ORC2: variants seen among roughly 807,000 people sequenced by gnomAD.
ORC2 encodes origin recognition complex subunit 2.
Under a neutral mutation model 77.7 loss-of-function variants are expected in ORC2, and 37 were observed. That is an observed-to-expected ratio of 0.48 (90% CI 0.37 to 0.63). The LOEUF is 0.63. Ranked by LOEUF, ORC2 falls within the 20% of genes least tolerant of loss-of-function variation. The probability of loss-of-function intolerance (pLI) is 0.00; values close to 1 mark genes in which losing one functional copy is unlikely to be tolerated. For missense variants in ORC2, 557 were observed against 661.9 expected, an observed-to-expected ratio of 0.84 and a Z score of 1.74; for synonymous variants, 201 against 229.5, an observed-to-expected ratio of 0.88 and a Z score of 1.12.
At chr2:200,914,114 C>T in intron 15 of ORC2, 122 bp from the exon 16 acceptor site, 1 of 614,390 alleles carries the variant, frequency 1.6e-6, no homozygotes. Context: ...TCTTCTGTTC[C>T]TCCAAGGAAT....
chr2:200,919,917 A>G (rs1168886233), intron 15 of ORC2, among the ~76,000 whole-genome samples: 1 of 152,232 alleles, frequency 6.6e-6, no homozygotes, highest in East Asian at 1.9e-4. Context: ...GTAATGAAAA[A>G]TAACCATAAA....
At chr2:200,912,241 T>A (rs762025854) in intron 17 of ORC2, among the ~76,000 whole-genome samples, 5 of 152,206 alleles carry the variant, frequency 3.3e-5, no homozygotes. Context: ...TATATAAGAA[T>A]CATAATCTTC....
chr2:200,914,205 G>A (rs570741517), intron 15 of ORC2, among the ~76,000 whole-genome samples: 162 of 124,006 alleles, frequency 1.3e-3, no homozygotes, highest in Admixed American at 3.2e-3. Flanking sequence ...TTGCTCTGTT[G>A]CCCAGGCTGG....
At chr2:200,946,470 TG>T (rs1390652627) in intron 5 of ORC2, among the ~76,000 whole-genome samples, 1 of 152,234 alleles carries the variant, frequency 6.6e-6, no homozygotes, top group Non-Finnish European at 1.5e-5. Context: ...ATAGAAAGTC[TG>T]ATCAGTCTGT....
chr2:200,931,470 GAA>G lies in ORC2; in HGVS notation c.808-24_808-23del, dbSNP rs763764215. The G allele has an allele frequency of 5.5e-5, 72 of 1,309,068 alleles. 1 individual carries two copies. Among genetic ancestry groups the G allele is most frequent in the Non-Finnish European group, 7.1e-5 (66 of 933,462 alleles). The allele number at this position is 1,309,068 out of a possible 1,614,324, so 81.1% of individuals were successfully genotyped here. A position where few individuals can be genotyped will look rare whatever the true frequency, so the allele number is the denominator to read the frequency against. ...TTTGCTTTAAAAAAAAGGAGGAGGGGAAAAAAGTCATTCTCAAAGCACAGACA... is the reference window on the plus strand; with the variant it reads ...TTTGCTTTAAAAAAAAGGAGGAGGGGAAAAGTCATTCTCAAAGCACAGACA... On this transcript the variant is annotated intron_variant, in intron 10 of 17. Transcript: ENST00000234296.
Position 200,935,863 on chromosome 2 carries a change from CG to C in ORC2, c.543del (p.Ser181ArgfsTer37). On this transcript the variant is annotated frameshift_variant, in exon 9 of 18. Coordinates refer to ENST00000234296, the MANE Select transcript of ORC2 (RefSeq NM_006190.5). LOFTEE classifies it high-confidence loss of function. ...IVPRSHSDSE[S>X]EYSASNSEDD... ...TCCTCTGAGTTGGAAGCAGAATATT[CG>C]CTTTCACTGTCAGAATGAGACCTTG... The C allele has an allele frequency of 6.2e-7, 1 of 1,613,600 alleles. No homozygotes were observed. Among genetic ancestry groups the C allele is most frequent in the Non-Finnish European group, 8.5e-7 (1 of 1,179,870 alleles).
Position 200,957,502 on chromosome 2 carries a change from G to A in ORC2, c.137C>T (p.Pro46Leu). ...TTCTGGCTTCTTTATTATTTTTTTG[G>A]GGTTGACCAAAAGCTGCGCTCGCTC... Reference protein sequence around the residue: ...KKERAQLLVNPKKIIKKPEYD... With the variant: ...KKERAQLLVNLKKIIKKPEYD... The change falls in exon 4 of 18, where the codon CCC (proline) becomes CTC (leucine). Residue 46 changes from proline to leucine, a missense_variant. Physicochemically the swap from Pro to Leu is moderately conservative, Grantham distance 98 (BLOSUM62 -3). Transcript: ENST00000234296. The A allele has an allele frequency of 6.2e-7, 1 of 1,608,848 alleles. No homozygotes were observed.
rs1435269493 is a variant in ORC2, at chr2:200,947,912, TTTC to T, written c.328+1639_328+1641del. Among the ~76,000 whole-genome samples, 4 of 151,420 alleles carry T rather than the reference TTTC, an allele frequency of 2.6e-5. No homozygotes were observed. The East Asian group carries it at 5.8e-4, about 22-fold the overall frequency. On this transcript the variant is annotated intron_variant, in intron 5 of 17. Coordinates refer to ENST00000234296, the MANE Select transcript of ORC2 (RefSeq NM_006190.5). ...CACCATGCCTGGCTAATTTTTTAATTTTCTTTTTTTTTTTGAGACTGAGTCTCG... is the reference window on the plus strand; with the variant it reads ...CACCATGCCTGGCTAATTTTTTAATTTTTTTTTTTTTGAGACTGAGTCTCG...
chr2:200,957,220 CTA>C (rs2041482907), intron 4 of ORC2, among the ~76,000 whole-genome samples, 179 bp downstream of exon 4: 1 of 152,114 alleles, frequency 6.6e-6, no homozygotes, highest in Non-Finnish European at 1.5e-5. Context: ...TTACTGAAAA[CTA>C]TGTGCAGGAC....
intron 5 of ORC2, among the ~76,000 whole-genome samples, chr2:200,945,613 T>C (rs1164802746): frequency 6.6e-6 from 1 of 152,150 alleles, no homozygotes; most frequent in African/African-American, 2.4e-5. Flanking sequence ...AAATAGGGCA[T>C]AAATTTTGTA....
At position 200,911,270 on chromosome 2, in the gene ORC2, T is replaced by C. The variant is rs2040546395; in HGVS notation, c.*31A>G. The C allele has an allele frequency of 7.4e-6, 10 of 1,350,916 alleles. No individual in the cohort carries two copies. The highest frequency in any genetic ancestry group is 1.1e-5 in the Non-Finnish European group (10 of 940,680). The allele number at this position is 1,350,916 out of a possible 1,614,324, so 83.7% of individuals were successfully genotyped here. ...GGAGTGGCAGCTGGGGTACAACCCT[T>C]CCATGGGAGATTCAAGAATAAAGGA... On this transcript the variant is annotated 3_prime_UTR_variant, in exon 18 of 18. Coordinates refer to ENST00000234296, the MANE Select transcript of ORC2 (RefSeq NM_006190.5).
chr2:200,918,289 A>G (rs2040693852), intron 15 of ORC2, among the ~76,000 whole-genome samples: 1 of 151,962 alleles, frequency 6.6e-6, no homozygotes, highest in Non-Finnish European at 1.5e-5. Flanking sequence ...TGTTGTATTG[A>G]GATGTTTGTA....
intron 15 of ORC2, among the ~76,000 whole-genome samples, chr2:200,915,003 CTTTTTTTTTT>C (rs1158807101): frequency 3.8e-4 from 25 of 65,272 alleles, no homozygotes; most frequent in Admixed American, 1.1e-3. Context: ...CTTCCCACGT[CTTTTTTTTTT>C]TTTTTTTTTT....
Position 200,911,376 on chromosome 2 carries a change from TC to T in ORC2, c.1658del (p.Gly553GlufsTer2). On this transcript the variant is annotated frameshift_variant, in exon 18 of 18. Transcript: ENST00000234296. LOFTEE classifies it high-confidence loss of function. The stretch of plus-strand genomic sequence containing the variant: ...CAACAGGAATTAATAAATACTCTAC[TC>T]CATCAGTTCCCTGAAAGATTTAAGA... ...KLIRTKKGTD[G>X]VEYLLIPVDN... The T allele has an allele frequency of 6.3e-7, 1 of 1,583,320 alleles. No individual in the cohort carries two copies. Among genetic ancestry groups the T allele is most frequent in the Non-Finnish European group, 8.7e-7 (1 of 1,152,178 alleles).
intron 6 of ORC2, among the ~76,000 whole-genome samples, chr2:200,942,038 G>C (rs2125002920): frequency 6.6e-6 from 1 of 151,886 alleles, no homozygotes; most frequent in South Asian, 2.1e-4. Context: ...AATGGAGCCA[G>C]ACACAATGCG....
chr2:200,913,174 T>A, intron 17 of ORC2, 121 bp downstream of exon 17: 1 of 635,276 alleles, frequency 1.6e-6, no homozygotes, highest in Admixed American at 2.8e-5. Context: ...CCTAAATGAA[T>A]CTCTGTGACT....
chr2:200,942,179 G>A (rs2041166781), intron 6 of ORC2, among the ~76,000 whole-genome samples: 1 of 152,078 alleles, frequency 6.6e-6, no homozygotes, highest in South Asian at 2.1e-4. Context: ...GGGCAACATA[G>A]CGAGACCCTG....
intron 15 of ORC2, among the ~76,000 whole-genome samples, chr2:200,917,622 A>G (rs1239885203): frequency 1.3e-5 from 2 of 152,194 alleles, no homozygotes; most frequent in East Asian, 3.9e-4. Context: ...ACTGCACAGA[A>G]CTTACACACA....
chr2:200,940,780 C>T (rs544562124), intron 7 of ORC2, among the ~76,000 whole-genome samples: 3 of 151,852 alleles, frequency 2.0e-5, no homozygotes, highest in Admixed American at 6.6e-5. Context: ...CCAGCCTGGG[C>T]GACAGAGTAA....
Sources: gnomAD v4.1 joint callset for allele counts (sites outside exome capture counted in the v4.1 genomes callset) on GRCh38, gnomAD v4.1.1 for gene constraint, MANE v1.5 for transcripts, NCBI Gene and HGNC (gene_info 2026-07-23, HGNC 2026-07-21) for gene names.